Variants in USH2A observed in about 807,000 individuals in gnomAD.
The protein encoded by USH2A is usherin.
Under a neutral mutation model 538.9 loss-of-function variants are expected in USH2A, and 443 were observed. The ratio of observed to expected loss-of-function variants is 0.82; its 90% confidence interval spans 0.76 to 0.89. The LOEUF (loss-of-function observed/expected upper bound fraction) is 0.89. Among genes scored for constraint, USH2A ranks in the 40% least tolerant of loss-of-function variants. The pLI is 0.00. For missense variants in USH2A, 6,633 were observed against 6,324.8 expected (o/e 1.05, Z -1.65); for synonymous variants, 2,413 against 2,273.5 (o/e 1.06, Z -1.75).
At chr1:215,929,871 C>T (rs1236239456) in intron 38 of USH2A, among the ~76,000 whole-genome samples, 1 of 151,936 alleles carries the variant, frequency 6.6e-6, no homozygotes, top group Non-Finnish European at 1.5e-5. Context: ...AGTTTTACTT[C>T]CTAATGGTTT....
chr1:215,637,353 G>A (rs550708098), intron 69 of USH2A, among the ~76,000 whole-genome samples: 8 of 152,258 alleles, frequency 5.3e-5, no homozygotes, highest in Non-Finnish European at 8.8e-5. Context: ...CCAGAGGCCC[G>A]GGAAACTACA....
At chr1:215,655,725 CT>C (rs766225635) in intron 64 of USH2A, among the ~76,000 whole-genome samples, 1,847 of 96,146 alleles carry the variant, frequency 0.019, 27 homozygotes, top group African/African-American at 0.064. Flanking sequence ...GCTAGTTATT[CT>C]TTTTTTTTTT....
chr1:215,711,605 G>C (rs774118285), intron 61 of USH2A, among the ~76,000 whole-genome samples: 1 of 151,946 alleles, frequency 6.6e-6, no homozygotes, highest in Non-Finnish European at 1.5e-5. Flanking sequence ...TTTTTCTGGG[G>C]GGTCTCTCCT....
At chr1:215,700,119 A>T (rs983026577) in intron 61 of USH2A, among the ~76,000 whole-genome samples, 1 of 152,004 alleles carries the variant, frequency 6.6e-6, no homozygotes, top group African/African-American at 2.4e-5. Context: ...TTATTGACTT[A>T]GGTATATTGA....
intron 70 of USH2A, chr1:215,629,919 G>A: frequency 9.3e-6 from 3 of 324,178 alleles, no homozygotes; most frequent in Non-Finnish European, 1.8e-5. Flanking sequence ...GGGACTACAG[G>A]CGCCCGCCAC....
chr1:216,341,384 T>C (rs547790200), intron 4 of USH2A, among the ~76,000 whole-genome samples: 15 of 152,234 alleles, frequency 9.9e-5, no homozygotes, highest in African/African-American at 3.6e-4. Context: ...TCGTCATGGA[T>C]AGGAAGAATC....
chr1:215,758,573 CAT>C lies in USH2A; in HGVS notation c.11389+20_11389+21del, dbSNP rs1660881274. 2.5e-6 allele frequency: 4 copies of C among 1,603,320 alleles called. No homozygotes were observed. The highest frequency in any genetic ancestry group is 3.4e-6 in the Non-Finnish European group (4 of 1,172,868). On this transcript the variant is annotated intron_variant, in intron 58 of 71. Coordinates refer to ENST00000307340, the MANE Select transcript of USH2A (RefSeq NM_206933.4). ...TTTAAAATGTTTACACACACACACA[CAT>C]ACTTCTTTTTTTTTTTTACCTGGTG...
chr1:216,026,317 A>T (rs1239438546), intron 32 of USH2A, among the ~76,000 whole-genome samples: 1 of 152,220 alleles, frequency 6.6e-6, no homozygotes, highest in Non-Finnish European at 1.5e-5. Context: ...TAATTGATCA[A>T]TTTTTTTACT....
chr1:216,420,035 T>C, intron 2 of USH2A, among the ~76,000 whole-genome samples: 1 of 152,262 alleles, frequency 6.6e-6, no homozygotes, highest in Middle Eastern at 3.4e-3. Flanking sequence ...TTTATATAAG[T>C]AGAAATAAAA....
At chr1:215,795,048 T>C (rs1307940414) in intron 50 of USH2A, among the ~76,000 whole-genome samples, 4 of 152,188 alleles carry the variant, frequency 2.6e-5, no homozygotes, top group Non-Finnish European at 5.9e-5. Context: ...TCCTTCTCTA[T>C]TGTATTTGTT....
rs143044695 is a variant in USH2A at position 215,828,738 on chromosome 1, T to A, written c.9371+9253A>T. 6.6e-5 allele frequency among the ~76,000 whole-genome samples: 10 copies of A among 152,250 alleles called. No individual in the cohort carries two copies. In the East Asian group the frequency reaches 1.9e-3, roughly 29 times the overall value. On this transcript the variant is annotated intron_variant, in intron 47 of 71. Coordinates refer to ENST00000307340, the MANE Select transcript of USH2A (RefSeq NM_206933.4). The stretch of plus-strand genomic sequence containing the variant: ...AAGACATTAAAAGACATGATCTGAG[T>A]TCTTTCTCTACTTTCCCTTGAGCCT...
chr1:216,208,558 T>G (rs903279727), intron 15 of USH2A, among the ~76,000 whole-genome samples: 2 of 151,994 alleles, frequency 1.3e-5, no homozygotes, highest in Admixed American at 6.6e-5. Flanking sequence ...TTCAAAAGGG[T>G]GGGCAAAAGA....
chr1:215,859,938 G>T (rs2102433878), intron 44 of USH2A, among the ~76,000 whole-genome samples: 1 of 152,294 alleles, frequency 6.6e-6, no homozygotes, highest in South Asian at 2.1e-4. Context: ...GGAGGTGTTT[G>T]TTGCATGGGG....
intron 38 of USH2A, among the ~76,000 whole-genome samples, chr1:215,925,458 C>T (rs192374486): frequency 1.2e-4 from 19 of 152,188 alleles, no homozygotes; most frequent in Admixed American, 6.5e-4. Context: ...CACAACTATT[C>T]GAAAGATTCA....
intron 47 of USH2A, among the ~76,000 whole-genome samples, chr1:215,830,844 G>A (rs1171550926): frequency 6.6e-6 from 1 of 152,100 alleles, no homozygotes; most frequent in Non-Finnish European, 1.5e-5. Flanking sequence ...GCTACTTTAT[G>A]AAAAAATAGG....
chr1:216,414,495 A>G (rs1198933100), intron 3 of USH2A, among the ~76,000 whole-genome samples: 3 of 152,132 alleles, frequency 2.0e-5, no homozygotes, highest in East Asian at 3.9e-4. Context: ...TCCCCCAGAT[A>G]TTTAATTATT....
chr1:215,793,739 C>T (rs1662045277), intron 50 of USH2A, among the ~76,000 whole-genome samples: 1 of 152,098 alleles, frequency 6.6e-6, no homozygotes, highest in Non-Finnish European at 1.5e-5. Context: ...GAGTCCAGGA[C>T]ATGAAAACTC....
At chr1:216,089,349 T>C in intron 22 of USH2A, among the ~76,000 whole-genome samples, 1 of 152,094 alleles carries the variant, frequency 6.6e-6, no homozygotes, top group Admixed American at 6.5e-5. Context: ...TGCACCACAG[T>C]GTACAGATCT....
chr1:215,912,479 A>ATATATATG (rs1558157901), intron 38 of USH2A, among the ~76,000 whole-genome samples: 2 of 31,760 alleles, frequency 6.3e-5, no homozygotes, highest in Non-Finnish European at 1.1e-4. Flanking sequence ...ATATATACGT[A>ATATATATG]TATATATATA....
Sources: allele counts gnomAD v4.1 joint callset (sites outside exome capture counted in the v4.1 genomes callset), GRCh38; gene constraint gnomAD v4.1.1; transcripts MANE v1.5; gene names NCBI Gene and HGNC (gene_info 2026-07-23, HGNC 2026-07-21).